CRMP1: variants seen among roughly 807,000 people sequenced by gnomAD.
The protein encoded by CRMP1 is dihydropyrimidinase-related protein 1.
In CRMP1, 19 loss-of-function variants were observed where a neutral mutation model predicts 68.3. The observed-to-expected ratio is 0.28, with a 90% CI of 0.19 to 0.41. CRMP1 has a LOEUF of 0.41. Among genes scored for constraint, CRMP1 ranks in the 10% least tolerant of loss-of-function variants. The probability of loss-of-function intolerance (pLI) is 1.00; values close to 1 mark genes in which losing one functional copy is unlikely to be tolerated. For synonymous variants in CRMP1, 439 were observed against 399.6 expected, an observed-to-expected ratio of 1.10 and a Z score of -1.18; for missense variants, 791 against 967.4, an observed-to-expected ratio of 0.82 and a Z score of 2.42.
intron 6 of CRMP1, 74 bp downstream of exon 6, chr4:5,849,318 T>C: frequency 1.6e-6 from 2 of 1,232,072 alleles, no homozygotes; most frequent in African/African-American, 3.0e-5. Flanking sequence ...CACTAACCAA[T>C]GCTCTTTTAT....
Position 5,872,618 on chromosome 4 carries a change from C to T in CRMP1, c.382-5862G>A, listed in dbSNP as rs557620873. ...AGGAGAATCACTTGAACCCAGGAGG[C>T]GGAGGTTGCAGTGAGCTGAGATCGC... On this transcript the variant is annotated intron_variant, in intron 1 of 13. Transcript: ENST00000324989. This position sits in a 1 kb window ranked among gnomAD's most constrained non-coding sequence, Gnocchi z 4.6. Among the ~76,000 whole-genome samples the T allele has an allele frequency of 5.5e-4, 84 of 152,236 alleles. No individual in the cohort carries two copies. The highest frequency in any genetic ancestry group is 1.9e-3 in the African/African-American group (77 of 41,558).
chr4:5,839,821 C>A (rs998423137), intron 8 of CRMP1, 143 bp from the exon 9 acceptor site: 14 of 965,504 alleles, frequency 1.5e-5, no homozygotes, highest in Non-Finnish European at 1.9e-5. Context: ...CAGGCATCAC[C>A]GCCTGCACCG....
In CRMP1 at chr4:5,891,212, A is replaced by ACACACACACACACACACACACC. The variant is rs59152465; in HGVS notation, c.381+1376_381+1377insGGTGTGTGTGTGTGTGTGTGTG. Among the ~76,000 whole-genome samples, 2 of 147,120 alleles carry ACACACACACACACACACACACC rather than the reference A, an allele frequency of 1.4e-5. No homozygotes were observed. Among genetic ancestry groups the ACACACACACACACACACACACC allele is most frequent in the Admixed American group, 6.8e-5 (1 of 14,810 alleles). On this transcript the variant is annotated intron_variant, in intron 1 of 13. Transcript: ENST00000324989. The surrounding 1 kb of genome is among the most constrained non-coding windows in gnomAD (Gnocchi z 5.2). ...CACACACACACACACACACACACAC[A>ACACACACACACACACACACACC]CCCTTGCTGTTGGACCTCTCCCTCG...
intron 1 of CRMP1, among the ~76,000 whole-genome samples, chr4:5,885,129 A>C (rs1320403688): frequency 2.0e-5 from 3 of 152,164 alleles, no homozygotes; most frequent in African/African-American, 7.2e-5. Context: ...CCAAGATGGA[A>C]AAAAGAGGAA....
rs1715099050 is a variant in CRMP1, at chr4:5,879,658, T to A, written c.382-12902A>T. On this transcript the variant is annotated intron_variant, in intron 1 of 13. Coordinates refer to ENST00000324989, the MANE Select transcript of CRMP1 (RefSeq NM_001014809.3). This position sits in a 1 kb window ranked among gnomAD's most constrained non-coding sequence, Gnocchi z 4.2. ...AACACTGTCCTATGAAGTTTAACAT[T>A]CTATGCCAAATGCTCTAACATTCTA... 6.6e-6 allele frequency among the ~76,000 whole-genome samples: 1 copy of A among 152,172 alleles called. No individual in the cohort carries two copies. The highest frequency in any genetic ancestry group is 2.1e-4 in the South Asian group (1 of 4,822).
intron 6 of CRMP1, among the ~76,000 whole-genome samples, chr4:5,846,694 A>C (rs1000451276): frequency 4.9e-4 from 73 of 149,552 alleles, no homozygotes; most frequent in African/African-American, 1.8e-3. Flanking sequence ...ACATTCAAGC[A>C]ATTCTCCTGC....
rs1560469826 is a variant in CRMP1 at position 5,821,741 on chromosome 4, C to A, written c.*19G>T. 15 of 1,593,228 alleles carry A rather than the reference C, an allele frequency of 9.4e-6. No individual in the cohort carries two copies. The East Asian group carries it at 3.4e-4, about 36-fold the overall frequency. ...TGATTCCCAGAATCCTTCAGGCTAG[C>A]TCCTCCGCGCATCCACGTTCAACCG... On this transcript the variant is annotated 3_prime_UTR_variant, in exon 14 of 14. Transcript: ENST00000324989. This position sits in a 1 kb window ranked among gnomAD's most constrained non-coding sequence, Gnocchi z 4.4.
intron 6 of CRMP1, among the ~76,000 whole-genome samples, chr4:5,844,907 A>G (rs528013118): frequency 4.5e-4 from 69 of 152,368 alleles, no homozygotes; most frequent in African/African-American, 1.6e-3. Context: ...GAGTGGAGCA[A>G]GAACAAGCAC....
chr4:5,839,323 G>C (rs1188053576), intron 9 of CRMP1, among the ~76,000 whole-genome samples, 199 bp downstream of exon 9: 2 of 152,196 alleles, frequency 1.3e-5, no homozygotes, highest in Non-Finnish European at 2.9e-5. Context: ...TGATGTGAAT[G>C]GAACAGTCAC....
intron 1 of CRMP1, among the ~76,000 whole-genome samples, chr4:5,882,650 C>G (rs1015778861): frequency 1.3e-5 from 2 of 152,188 alleles, no homozygotes; most frequent in East Asian, 3.8e-4. Context: ...AGTGACTTGT[C>G]CAATTACATA....
Position 5,843,920 on chromosome 4 carries a change from G to C in CRMP1, c.964-759C>G, listed in dbSNP as rs1711986177. Among the ~76,000 whole-genome samples, 2 of 151,722 alleles carry C rather than the reference G, an allele frequency of 1.3e-5. No homozygotes were observed. The highest frequency in any genetic ancestry group is 4.9e-5 in the African/African-American group (2 of 41,224). On this transcript the variant is annotated intron_variant, in intron 6 of 13. Coordinates refer to ENST00000324989, the MANE Select transcript of CRMP1 (RefSeq NM_001014809.3). The surrounding 1 kb of genome is among the most constrained non-coding windows in gnomAD (Gnocchi z 4.1). ...TGATGGCCTAGATTCAAATCCATCTGGTCCAAAGTTTCTTTGTCCCAGGAA... is the reference window on the plus strand; with the variant it reads ...TGATGGCCTAGATTCAAATCCATCTCGTCCAAAGTTTCTTTGTCCCAGGAA...
intron 12 of CRMP1, among the ~76,000 whole-genome samples, chr4:5,827,660 A>T (rs1374570943): frequency 6.6e-6 from 1 of 151,900 alleles, no homozygotes; most frequent in Non-Finnish European, 1.5e-5. Context: ...ACATCCCCAT[A>T]TGCACACATA....
intron 11 of CRMP1, among the ~76,000 whole-genome samples, chr4:5,829,870 G>C (rs957843959): frequency 1.3e-5 from 2 of 152,202 alleles, no homozygotes; most frequent in Admixed American, 6.5e-5. Context: ...CTGCACACGT[G>C]AACATGTTTC....
intron 11 of CRMP1, among the ~76,000 whole-genome samples, chr4:5,835,353 C>T (rs1215469097): frequency 6.6e-6 from 1 of 152,214 alleles, no homozygotes; most frequent in Non-Finnish European, 1.5e-5. Flanking sequence ...TGCATGCACC[C>T]TCTCTGTGCA....
chr4:5,827,168 A>G (rs1404747038), intron 12 of CRMP1, among the ~76,000 whole-genome samples: 4 of 152,196 alleles, frequency 2.6e-5, no homozygotes, highest in African/African-American at 7.2e-5. Flanking sequence ...TTGGGGTCAG[A>G]TATCTGCCCT....
Position 5,842,643 on chromosome 4 carries a change from G to C in CRMP1, c.1032+450C>G, listed in dbSNP as rs1024374541. On this transcript the variant is annotated intron_variant, in intron 7 of 13. Transcript: ENST00000324989. This position sits in a 1 kb window ranked among gnomAD's most constrained non-coding sequence, Gnocchi z 4.5. ...TCACTCACACACACACACACGCACT[G>C]TCTCTCTCACACACACACACTAACA... Among the ~76,000 whole-genome samples, 4 of 148,882 alleles carry C rather than the reference G, an allele frequency of 2.7e-5. No homozygotes were observed. Among genetic ancestry groups the C allele is most frequent in the African/African-American group, 5.0e-5 (2 of 40,058 alleles).
rs750755387 is a variant in CRMP1, at chr4:5,842,528, G to T, written c.1032+565C>A. On this transcript the variant is annotated intron_variant, in intron 7 of 13. Coordinates refer to ENST00000324989, the MANE Select transcript of CRMP1 (RefSeq NM_001014809.3). This position sits in a 1 kb window ranked among gnomAD's most constrained non-coding sequence, Gnocchi z 4.5. The stretch of plus-strand genomic sequence containing the variant: ...AGGGTGCCCACTCTATTCCATGCCC[G>T]ATCAGCTTGCCTTCCTCCTTCCACA... 6.6e-6 allele frequency among the ~76,000 whole-genome samples: 1 copy of T among 151,284 alleles called. No individual in the cohort carries two copies. Among genetic ancestry groups the T allele is most frequent in the Non-Finnish European group, 1.5e-5 (1 of 67,894 alleles).
At position 5,889,493 on chromosome 4, in the gene CRMP1, G is replaced by T; in HGVS notation, c.381+3096C>A. Reference sequence around the variant, plus strand: ...CAGAGGGAGGTGGGCAGGAAGCCAGGTCACAGCTTGACAAGGTCCGTAACA... The same window carrying T: ...CAGAGGGAGGTGGGCAGGAAGCCAGTTCACAGCTTGACAAGGTCCGTAACA... On this transcript the variant is annotated intron_variant, in intron 1 of 13. Coordinates refer to ENST00000324989, the MANE Select transcript of CRMP1 (RefSeq NM_001014809.3). This position sits in a 1 kb window ranked among gnomAD's most constrained non-coding sequence, Gnocchi z 4.5. 7.0e-7 allele frequency: 1 copy of T among 1,432,424 alleles called. No homozygotes were observed. The highest frequency in any genetic ancestry group is 9.5e-7 in the Non-Finnish European group (1 of 1,056,318). 88.7% of individuals were successfully genotyped at this position (1,432,424 alleles called of 1,614,324 possible). A position where few individuals can be genotyped will look rare whatever the true frequency, so the allele number is the denominator to read the frequency against.
rs1217898260 is a variant in CRMP1 at position 5,872,880 on chromosome 4, C to G, written c.382-6124G>C. Among the ~76,000 whole-genome samples, 1 of 152,194 alleles carries G rather than the reference C, an allele frequency of 6.6e-6. No individual in the cohort carries two copies. The highest frequency in any genetic ancestry group is 1.5e-5 in the Non-Finnish European group (1 of 68,040). ...TAAAAGCAAAACGTCCACACTCAGA[C>G]AGAGGTGGGCTTGGATCCTGACTTC... is the stretch of plus-strand genomic sequence containing the variant. On this transcript the variant is annotated intron_variant, in intron 1 of 13. Transcript: ENST00000324989. This position sits in a 1 kb window ranked among gnomAD's most constrained non-coding sequence, Gnocchi z 4.6.
Sources: allele counts gnomAD v4.1 joint callset (sites outside exome capture counted in the v4.1 genomes callset), GRCh38; gene constraint gnomAD v4.1.1; non-coding constraint Gnocchi (gnomAD v3.1); transcripts MANE v1.5; gene names NCBI Gene and HGNC (gene_info 2026-07-23, HGNC 2026-07-21).